EXT1: variants seen among roughly 807,000 people sequenced by gnomAD.
EXT1 encodes the protein exostosin glycosyltransferase 1.
Under a neutral mutation model 82.5 loss-of-function variants are expected in EXT1, and 20 were observed. The observed-to-expected ratio is 0.24, with a 90% CI of 0.17 to 0.35. The LOEUF is 0.35. EXT1 is among the 10% of genes least tolerant of loss of function. The pLI is 1.00. For missense variants in EXT1, 757 were observed against 936.5 expected, an observed-to-expected ratio of 0.81 and a Z score of 2.50; for synonymous variants, 348 against 350.8, an observed-to-expected ratio of 0.99 and a Z score of 0.09.
chr8:118,088,362 G>C (rs1446206586), intron 1 of EXT1, among the ~76,000 whole-genome samples: 1 of 152,112 alleles, frequency 6.6e-6, no homozygotes, highest in African/African-American at 2.4e-5. Context: ...TGTTAAGATG[G>C]AATGAACCAG....
chr8:117,846,318 G>A (rs17479362), intron 1 of EXT1, among the ~76,000 whole-genome samples: 13,370 of 152,080 alleles, frequency 0.088, 776 homozygotes, highest in African/African-American at 0.16. Flanking sequence ...ATGTTGGTCA[G>A]GCTGGTCTTG....
chr8:118,078,822 A>G (rs779228478), intron 1 of EXT1, among the ~76,000 whole-genome samples: 1 of 152,352 alleles, frequency 6.6e-6, no homozygotes, highest in Middle Eastern at 3.4e-3. Context: ...AGAAAAAAAA[A>G]GTCTCAAGTG....
chr8:118,054,634 G>T (rs1413716717), intron 1 of EXT1, among the ~76,000 whole-genome samples: 2 of 152,132 alleles, frequency 1.3e-5, no homozygotes, highest in African/African-American at 4.8e-5. Context: ...GAGAAGCTAA[G>T]AGAAGGTAAA....
At chr8:118,030,962 T>A (rs1328766794) in intron 1 of EXT1, among the ~76,000 whole-genome samples, 1 of 152,198 alleles carries the variant, frequency 6.6e-6, no homozygotes, top group Admixed American at 6.5e-5. Flanking sequence ...GATCAAATTC[T>A]TCCCTTCCCC....
intron 1 of EXT1, among the ~76,000 whole-genome samples, chr8:117,940,404 G>GC (rs1300583227): frequency 7.2e-5 from 11 of 152,164 alleles, no homozygotes; most frequent in South Asian, 4.1e-4. Context: ...TCCTGGAAGA[G>GC]CCCCCCGTAT....
rs183452826 is a variant in EXT1 at position 117,965,875 on chromosome 8, C to A, written c.963-128674G>T. 4.3e-3 allele frequency among the ~76,000 whole-genome samples: 653 copies of A among 152,200 alleles called. 4 individuals are homozygous for A. The highest frequency in any genetic ancestry group is 7.0e-3 in the Non-Finnish European group (477 of 68,016). ...ATGTGGAATAACTAAAAATCTTCCC[C>A]ACCATGAACAAAGGGTAATGTCCAA... is the stretch of plus-strand genomic sequence containing the variant. On this transcript the variant is annotated intron_variant, in intron 1 of 10. Coordinates refer to ENST00000378204, the MANE Select transcript of EXT1 (RefSeq NM_000127.3).
intron 1 of EXT1, among the ~76,000 whole-genome samples, chr8:117,840,102 T>A (rs1288020647): frequency 6.6e-6 from 1 of 152,210 alleles, no homozygotes; most frequent in Non-Finnish European, 1.5e-5. Context: ...AGAATTGTCC[T>A]AAGGGGATAA....
intron 1 of EXT1, among the ~76,000 whole-genome samples, chr8:118,038,867 C>T (rs1368172413): frequency 1.3e-5 from 2 of 152,236 alleles, no homozygotes; most frequent in Non-Finnish European, 2.9e-5. Context: ...CTGAACATGG[C>T]GTCTGTTCCT....
intron 1 of EXT1, among the ~76,000 whole-genome samples, chr8:118,104,985 C>T (rs1178752163): frequency 6.6e-6 from 1 of 152,168 alleles, no homozygotes; most frequent in Non-Finnish European, 1.5e-5. Context: ...GAACAGACAA[C>T]TCGGGCCATA....
chr8:118,006,204 T>C (rs967775979), intron 1 of EXT1, among the ~76,000 whole-genome samples: 6 of 152,230 alleles, frequency 3.9e-5, no homozygotes, highest in African/African-American at 1.4e-4. Flanking sequence ...GTGAGTCTAC[T>C]ATAACTTATT....
chr8:117,866,529 T>A (rs1812776586), intron 1 of EXT1, among the ~76,000 whole-genome samples: 1 of 152,156 alleles, frequency 6.6e-6, no homozygotes, highest in Admixed American at 6.5e-5. Flanking sequence ...CCCAGAGAAT[T>A]AACCAAGCTC....
intron 1 of EXT1, among the ~76,000 whole-genome samples, chr8:117,928,151 A>C (rs1026111673): frequency 6.6e-6 from 1 of 152,222 alleles, no homozygotes; most frequent in Non-Finnish European, 1.5e-5. Flanking sequence ...ATCTAGGCCA[A>C]TGGACTCATT....
chr8:118,063,569 G>C (rs1283508351), intron 1 of EXT1, among the ~76,000 whole-genome samples: 1 of 152,182 alleles, frequency 6.6e-6, no homozygotes. Context: ...CAGATGCTGT[G>C]CTCTTGTTAG....
chr8:117,829,571 T>TTC (rs1350302015), intron 4 of EXT1, among the ~76,000 whole-genome samples: 1 of 113,730 alleles, frequency 8.8e-6, no homozygotes, highest in African/African-American at 3.7e-5. Flanking sequence ...ATATTTTTCT[T>TTC]TTTTTTTTTT....
intron 1 of EXT1, among the ~76,000 whole-genome samples, chr8:117,842,452 C>T (rs1028690918): frequency 6.6e-6 from 1 of 152,194 alleles, no homozygotes; most frequent in African/African-American, 2.4e-5. Context: ...AATTTGGGTT[C>T]TTGATCTACC....
At chr8:117,815,023 T>G (rs1811777353) in intron 7 of EXT1, among the ~76,000 whole-genome samples, 1 of 152,232 alleles carries the variant, frequency 6.6e-6, no homozygotes, top group Non-Finnish European at 1.5e-5. Context: ...GTCAACTGGG[T>G]CAAGTTTTTT....
At chr8:117,972,163 GAA>G (rs1239294317) in intron 1 of EXT1, among the ~76,000 whole-genome samples, 23 of 138,740 alleles carry the variant, frequency 1.7e-4, no homozygotes, top group Non-Finnish European at 3.2e-4. Context: ...AAAAAAAAAA[GAA>G]AGAAAGAAAA....
chr8:118,007,031 C>G (rs1015966841), intron 1 of EXT1, among the ~76,000 whole-genome samples: 11 of 152,186 alleles, frequency 7.2e-5, no homozygotes, highest in Non-Finnish European at 1.6e-4. Context: ...GGCGCGGTGG[C>G]TCACGCCTGT....
intron 1 of EXT1, among the ~76,000 whole-genome samples, chr8:118,064,155 C>T (rs1563644618): frequency 6.6e-6 from 1 of 152,084 alleles, no homozygotes; most frequent in Admixed American, 6.6e-5. Context: ...TGAGCCACCG[C>T]GTCAAGTCGC....
Sources: gnomAD v4.1 joint callset for allele counts (sites outside exome capture counted in the v4.1 genomes callset) on GRCh38, gnomAD v4.1.1 for gene constraint, MANE v1.5 for transcripts, NCBI Gene and HGNC (gene_info 2026-07-23, HGNC 2026-07-21) for gene names.